The following SV2C variants were observed in gnomAD, a reference collection of about 807,000 sequenced individuals.
SV2C encodes solute carrier family 22 member B3.
A neutral mutation model predicts 79.7 loss-of-function variants in SV2C; 49 were observed. The observed-to-expected ratio is 0.61, with a 90% CI of 0.49 to 0.78. The LOEUF (loss-of-function observed/expected upper bound fraction) is 0.78. Among genes scored for constraint, SV2C ranks in the 30% least tolerant of loss-of-function variants. The probability of loss-of-function intolerance (pLI) is 0.00; values close to 1 mark genes in which losing one functional copy is unlikely to be tolerated. For missense variants in SV2C, 833 were observed against 912.9 expected (o/e 0.91, Z 1.13); for synonymous variants, 334 against 333.2 (o/e 1.00, Z -0.03).
chr5:76,056,310 G>A, the SV2C span, among the ~76,000 whole-genome samples: 1 of 152,302 alleles, frequency 6.6e-6, no homozygotes, highest in Admixed American at 6.5e-5. Context: ...AAGTGTGCAT[G>A]TTGAACCAAC....
At chr5:75,930,279 A>G in the SV2C span, among the ~76,000 whole-genome samples, 2 of 152,230 alleles carry the variant, frequency 1.3e-5, no homozygotes, top group African/African-American at 4.8e-5. Context: ...CCAGGAAGAA[A>G]TGCAAGCAGG....
chr5:75,920,203 G>A, the SV2C span, among the ~76,000 whole-genome samples: 2 of 152,228 alleles, frequency 1.3e-5, no homozygotes, highest in African/African-American at 4.8e-5. Flanking sequence ...CAGGTGGAGA[G>A]CATTATCTAG....
chr5:76,036,317 T>C, the SV2C span, among the ~76,000 whole-genome samples: 4 of 152,184 alleles, frequency 2.6e-5, no homozygotes, highest in South Asian at 2.1e-4. Flanking sequence ...TGCTCGTTAG[T>C]TGATGCAGTT....
At chr5:75,895,956 A>G in the SV2C span, among the ~76,000 whole-genome samples, 6 of 152,130 alleles carry the variant, frequency 3.9e-5, no homozygotes, top group African/African-American at 9.7e-5. Context: ...TGTTATTTAT[A>G]TATTAAATAC....
intron 4 of SV2C, chr5:76,281,025 G>C (rs1479438152): frequency 1.9e-6 from 1 of 540,508 alleles, no homozygotes; most frequent in Middle Eastern, 3.2e-4. Flanking sequence ...CAGTATCTTA[G>C]CCCAAGTTCT....
At chr5:76,044,565 A>C in the SV2C span, among the ~76,000 whole-genome samples, 1 of 152,206 alleles carries the variant, frequency 6.6e-6, no homozygotes, top group African/African-American at 2.4e-5. Flanking sequence ...TAGTTTCACC[A>C]GCATCTGTTG....
the SV2C span, among the ~76,000 whole-genome samples, chr5:76,037,672 G>A: frequency 6.6e-6 from 1 of 152,206 alleles, no homozygotes; most frequent in Non-Finnish European, 1.5e-5. Context: ...GGACATTTAA[G>A]TCTGCAGAGG....
Position 76,227,169 on chromosome 5 carries a change from ATAAG to A in SV2C, c.913+17283_913+17286del, listed in dbSNP as rs1343296141. ...TCAGAAACATTATCTCATGATGCAG[ATAAG>A]ATAAAAGCCAAACTGCATGACGGCC... On this transcript the variant is annotated intron_variant, in intron 4 of 12. Transcript: ENST00000502798. 2.9e-4 allele frequency among the ~76,000 whole-genome samples: 10 copies of A among 33,916 alleles called. 1 individual carries two copies. The East Asian group carries it at 7.9e-3, about 27-fold the overall frequency. The allele number at this position is 33,916 out of a possible 152,430, so 22.3% of individuals were successfully genotyped here.
chr5:76,056,343 G>A, the SV2C span, among the ~76,000 whole-genome samples: 48 of 152,184 alleles, frequency 3.2e-4, no homozygotes, highest in African/African-American at 9.9e-4. Flanking sequence ...GAATGAAGTC[G>A]ACTTGATTGT....
At position 76,331,580 on chromosome 5, in the gene SV2C, C is replaced by A. The variant is rs940214627; in HGVS notation, c.*6033C>A. 2 of 152,280 alleles carry A rather than the reference C, an allele frequency of 1.3e-5. No individual in the cohort carries two copies. The highest frequency in any genetic ancestry group is 3.9e-4 in the East Asian group (2 of 5,194). 9.4% of individuals were successfully genotyped at this position (152,280 alleles called of 1,614,324 possible). On this transcript the variant is annotated 3_prime_UTR_variant, in exon 13 of 13. Transcript: ENST00000502798. ...AGGGTAGTTGTCAGTGACCCTCTAC[C>A]CTCCTCTGAGAGCCCCATTGCCATT...
chr5:76,131,692 C>G lies in SV2C; in HGVS notation c.-59C>G. Reference sequence around the variant, plus strand: ...AGTGGATGATGCTGTCAGAGCTGAACCACTGAAAGGAGGCTGTGAAAATTT... The same window carrying G: ...AGTGGATGATGCTGTCAGAGCTGAAGCACTGAAAGGAGGCTGTGAAAATTT... On this transcript the variant is annotated 5_prime_UTR_variant, in exon 2 of 13. Coordinates refer to ENST00000502798, the MANE Select transcript of SV2C (RefSeq NM_014979.4). The G allele has an allele frequency of 6.9e-7, 1 of 1,448,408 alleles. No homozygotes were observed. Among genetic ancestry groups the G allele is most frequent in the Non-Finnish European group, 9.4e-7 (1 of 1,064,904 alleles). 89.7% of individuals were successfully genotyped at this position (1,448,408 alleles called of 1,614,324 possible).
At chr5:76,257,263 A>ATG (rs59644660) in intron 4 of SV2C, among the ~76,000 whole-genome samples, 2,128 of 134,802 alleles carry the variant, frequency 0.016, 25 homozygotes, top group Middle Eastern at 0.045. Flanking sequence ...GCTGTAGTGT[A>ATG]TGTGTGTGTG....
chr5:75,966,727 T>C, the SV2C span, among the ~76,000 whole-genome samples: 1 of 152,222 alleles, frequency 6.6e-6, no homozygotes, highest in Non-Finnish European at 1.5e-5. Context: ...CACTCTTCTG[T>C]ACTCTGACAC....
intron 12 of SV2C, among the ~76,000 whole-genome samples, chr5:76,344,469 G>C (rs867396456): frequency 2.0e-5 from 3 of 152,224 alleles, no homozygotes; most frequent in South Asian, 2.1e-4. Flanking sequence ...AACACTTTGG[G>C]AGGCCAAGGC....
the SV2C span, among the ~76,000 whole-genome samples, chr5:75,952,265 T>A: frequency 6.7e-6 from 1 of 148,256 alleles, no homozygotes; most frequent in East Asian, 2.0e-4. Context: ...CTTCCTTCCT[T>A]CCTTCCTTCC....
intron 4 of SV2C, among the ~76,000 whole-genome samples, chr5:76,269,379 A>T (rs931093755): frequency 6.6e-6 from 1 of 152,242 alleles, no homozygotes; most frequent in Admixed American, 6.5e-5. Flanking sequence ...TGCATTGGAC[A>T]TACTTACACT....
chr5:76,249,969 C>T (rs1466854022), intron 4 of SV2C, among the ~76,000 whole-genome samples: 2 of 152,160 alleles, frequency 1.3e-5, no homozygotes, highest in East Asian at 1.9e-4. Flanking sequence ...TCAATGGGAA[C>T]GTTTTATTCT....
chr5:75,883,843 T>TGA, the SV2C span, among the ~76,000 whole-genome samples: 1 of 146,066 alleles, frequency 6.8e-6, no homozygotes, highest in Admixed American at 6.7e-5. Flanking sequence ...ATAATAATAT[T>TGA]TAAAAAAAAA....
At chr5:76,203,295 G>A (rs2112343324) in intron 3 of SV2C, among the ~76,000 whole-genome samples, 1 of 152,270 alleles carries the variant, frequency 6.6e-6, no homozygotes, top group Non-Finnish European at 1.5e-5. Flanking sequence ...TTGATTGGGT[G>A]AGGGGGTGGA....
Sources: gnomAD v4.1 joint callset for allele counts (sites outside exome capture counted in the v4.1 genomes callset) on GRCh38, gnomAD v4.1.1 for gene constraint, MANE v1.5 for transcripts, NCBI Gene and HGNC (gene_info 2026-07-23, HGNC 2026-07-21) for gene names.